Variants in SLC38A6 observed in about 807,000 individuals in gnomAD.
The protein encoded by SLC38A6 is solute carrier family 38 member 6.
SLC38A6 carries 73 observed loss-of-function variants against 65.0 expected under a neutral mutation model. The ratio of observed to expected loss-of-function variants is 1.12; its 90% CI spans 0.93 to 1.37. The LOEUF (loss-of-function observed/expected upper bound fraction) is 1.37. Among genes scored for constraint, SLC38A6 ranks in the 40% most tolerant of loss-of-function variants. The pLI, the probability that SLC38A6 is intolerant of heterozygous loss-of-function variation, is 0.00. For missense variants in SLC38A6, 561 were observed against 531.1 expected (o/e 1.06, Z -0.55); for synonymous variants, 183 against 178.8 (o/e 1.02, Z -0.19).
chr14:61,010,520 A>C (rs1349977180), intron 3 of SLC38A6, among the ~76,000 whole-genome samples: 1 of 152,192 alleles, frequency 6.6e-6, no homozygotes, highest in Non-Finnish European at 1.5e-5. Flanking sequence ...TTTTAGGTCT[A>C]ACATTTAAGT....
At chr14:60,993,870 A>G (rs1329212877) in intron 3 of SLC38A6, among the ~76,000 whole-genome samples, 1 of 152,204 alleles carries the variant, frequency 6.6e-6, no homozygotes, top group Non-Finnish European at 1.5e-5. Flanking sequence ...ACACACACAC[A>G]AGCCAATAAT....
At chr14:61,029,155 C>CTTTTTT (rs111427405) in intron 5 of SLC38A6, among the ~76,000 whole-genome samples, 8 of 130,338 alleles carry the variant, frequency 6.1e-5, no homozygotes, top group Non-Finnish European at 8.3e-5. Context: ...ACTCTTTATT[C>CTTTTTT]TTTTTTTTTT....
At chr14:61,034,850 C>G (rs1463366157) in intron 6 of SLC38A6, among the ~76,000 whole-genome samples, 4 of 152,062 alleles carry the variant, frequency 2.6e-5, no homozygotes, top group Non-Finnish European at 5.9e-5. Flanking sequence ...CCTAATGATA[C>G]AAATTAGGGT....
intron 3 of SLC38A6, among the ~76,000 whole-genome samples, chr14:60,990,423 G>GT (rs2037776046): frequency 6.6e-6 from 1 of 151,994 alleles, no homozygotes; most frequent in Admixed American, 6.5e-5. Context: ...AGCTGCCTCC[G>GT]TGACATCTCC....
chr14:61,008,799 A>T (rs1244395346), intron 3 of SLC38A6, among the ~76,000 whole-genome samples: 1 of 152,180 alleles, frequency 6.6e-6, no homozygotes, highest in African/African-American at 2.4e-5. Flanking sequence ...ACACATTATC[A>T]TCATTCTAGA....
intron 8 of SLC38A6, among the ~76,000 whole-genome samples, chr14:61,041,367 ACTGT>A (rs1474857044): frequency 6.6e-6 from 1 of 152,142 alleles, no homozygotes; most frequent in African/African-American, 2.4e-5. Flanking sequence ...TAGTAACTGA[ACTGT>A]CTATTAATAT....
chr14:61,081,045 G>C (rs570365885), intron 16 of SLC38A6, among the ~76,000 whole-genome samples: 1 of 152,330 alleles, frequency 6.6e-6, no homozygotes, highest in East Asian at 1.9e-4. Flanking sequence ...CCAGGCACTA[G>C]ATTTATATGC....
chr14:61,022,178 G>A (rs74887112), intron 5 of SLC38A6, among the ~76,000 whole-genome samples: 1,881 of 151,996 alleles, frequency 0.012, 43 homozygotes, highest in African/African-American at 0.043. Flanking sequence ...GGTTATACTT[G>A]GTTCAAAAGA....
At chr14:61,013,163 T>G (rs1366764022) in intron 3 of SLC38A6, among the ~76,000 whole-genome samples, 1 of 152,226 alleles carries the variant, frequency 6.6e-6, no homozygotes, top group Admixed American at 6.5e-5. Flanking sequence ...TCTTTTTATC[T>G]TTGTTGGTTT....
downstream of SLC38A6, among the ~76,000 whole-genome samples, chr14:61,053,956 T>C (rs1006572468): frequency 2.0e-5 from 3 of 152,174 alleles, no homozygotes; most frequent in Non-Finnish European, 4.4e-5. Flanking sequence ...CCCATTCCTA[T>C]GTCTGGGATG....
At chr14:60,989,558 T>C (rs1225857263) in intron 3 of SLC38A6, among the ~76,000 whole-genome samples, 2 of 151,722 alleles carry the variant, frequency 1.3e-5, no homozygotes, top group Non-Finnish European at 2.9e-5. Context: ...ACCCCATCTC[T>C]ACAAAAAAAA....
chr14:60,985,472 A>G (rs781216715), intron 3 of SLC38A6, among the ~76,000 whole-genome samples: 39 of 152,184 alleles, frequency 2.6e-4, no homozygotes, highest in Non-Finnish European at 5.3e-4. Context: ...TCCTTTTGTC[A>G]TTAACAAATA....
chr14:61,002,007 ATT>A (rs1047976930), intron 3 of SLC38A6: 35 of 152,138 alleles, frequency 2.3e-4, no homozygotes, highest in African/African-American at 7.7e-4. Context: ...TTATAATTAT[ATT>A]TGTTTGTTTT....
At chr14:60,981,577 A>T in intron 1 of SLC38A6, 195 bp downstream of exon 1, 1 of 1,520,278 alleles carries the variant, frequency 6.6e-7, no homozygotes, top group South Asian at 1.2e-5. Context: ...ATAGCAGCCT[A>T]GCATACTCTA....
chr14:60,989,561 A>C (rs1368692131), intron 3 of SLC38A6, among the ~76,000 whole-genome samples: 1 of 150,746 alleles, frequency 6.6e-6, no homozygotes, highest in African/African-American at 2.4e-5. Flanking sequence ...CCATCTCTAC[A>C]AAAAAAAATA....
At chr14:61,010,320 T>C (rs557332191) in intron 3 of SLC38A6, among the ~76,000 whole-genome samples, 231 of 151,734 alleles carry the variant, frequency 1.5e-3, no homozygotes, top group African/African-American at 5.1e-3. Context: ...TTCTCCCATT[T>C]TGTAGGTTGC....
intron 6 of SLC38A6, 151 bp from the exon 7 acceptor site, chr14:61,036,908 T>G: frequency 2.1e-6 from 1 of 479,790 alleles, no homozygotes; most frequent in Non-Finnish European, 3.7e-6. Flanking sequence ...CAAGAACATT[T>G]TAATGAAAGG....
intron 8 of SLC38A6, among the ~76,000 whole-genome samples, chr14:61,039,259 A>T (rs975681726): frequency 1.3e-5 from 2 of 152,226 alleles, no homozygotes; most frequent in African/African-American, 4.8e-5. Context: ...CTTATAAACC[A>T]TCTGCTCAGA....
At position 61,025,357 on chromosome 14, in the gene SLC38A6, G is replaced by C. The variant is rs368503163; in HGVS notation, c.404-5088G>C. 3.6e-4 allele frequency among the ~76,000 whole-genome samples: 55 copies of C among 152,230 alleles called. 1 individual carries two copies. In the East Asian group the frequency reaches 5.8e-3, roughly 16 times the overall value. The stretch of plus-strand genomic sequence containing the variant: ...GGTAGGCTAGTAAAGTACTAAGAGT[G>C]TTTCAGATATACTAGTTTGTATTGT... On this transcript the variant is annotated intron_variant, in intron 5 of 15. Transcript: ENST00000267488.
Sources: allele counts gnomAD v4.1 joint callset (sites outside exome capture counted in the v4.1 genomes callset), GRCh38; gene constraint gnomAD v4.1.1; transcripts MANE v1.5; gene names NCBI Gene and HGNC (gene_info 2026-07-23, HGNC 2026-07-21).